Variants in SMURF2 observed in about 807,000 individuals in gnomAD.
SMURF2 encodes SMAD specific E3 ubiquitin protein ligase 2, also known as E3 ubiquitin-protein ligase SMURF2.
A neutral mutation model predicts 109.6 loss-of-function variants in SMURF2; 48 were observed. The ratio of observed to expected loss-of-function variants is 0.44; its 90% CI spans 0.35 to 0.56. The LOEUF (loss-of-function observed/expected upper bound fraction) is 0.56. Ranked by LOEUF, SMURF2 falls within the 20% of genes least tolerant of loss-of-function variation. The probability of loss-of-function intolerance (pLI) is 0.01; values close to 1 mark genes in which losing one functional copy is unlikely to be tolerated. For synonymous variants in SMURF2, 288 were observed against 317.1 expected, an observed-to-expected ratio of 0.91 and a Z score of 0.97; for missense variants, 575 against 909.0, an observed-to-expected ratio of 0.63 and a Z score of 4.72.
At chr17:64,654,913 G>C (rs1970685910) in intron 1 of SMURF2, among the ~76,000 whole-genome samples, 1 of 151,608 alleles carries the variant, frequency 6.6e-6, no homozygotes, top group Admixed American at 6.6e-5. Context: ...CTGGGCTCAA[G>C]TGATCCTCCC....
intron 1 of SMURF2, among the ~76,000 whole-genome samples, chr17:64,650,219 T>TG (rs1264930593): frequency 1.1e-4 from 16 of 151,750 alleles, no homozygotes; most frequent in African/African-American, 3.1e-4. Flanking sequence ...TTTTTTTTTT[T>TG]TGAGACCATG....
intron 4 of SMURF2, among the ~76,000 whole-genome samples, chr17:64,592,329 T>C (rs1969761792): frequency 6.6e-6 from 1 of 152,252 alleles, no homozygotes; most frequent in South Asian, 2.1e-4. Flanking sequence ...AGTTTACTTT[T>C]ATATGCAATT....
intron 1 of SMURF2, among the ~76,000 whole-genome samples, chr17:64,653,134 GA>G (rs1555693663): frequency 6.6e-6 from 1 of 151,866 alleles, no homozygotes; most frequent in Non-Finnish European, 1.5e-5. Context: ...CAGTCCGGGA[GA>G]AAATATTTGC....
intron 1 of SMURF2, among the ~76,000 whole-genome samples, chr17:64,631,578 G>T (rs2144709825): frequency 6.6e-6 from 1 of 152,190 alleles, no homozygotes; most frequent in South Asian, 2.1e-4. Flanking sequence ...AACACACCTT[G>T]ACTGGTCATC....
chr17:64,547,471 TGA>T lies in SMURF2; in HGVS notation c.2071+127_2071+128del. 1.3e-6 allele frequency: 1 copy of T among 750,538 alleles called. No individual in the cohort carries two copies. Among genetic ancestry groups the T allele is most frequent in the Non-Finnish European group, 2.2e-6 (1 of 458,076 alleles). 46.5% of individuals were successfully genotyped at this position (750,538 alleles called of 1,614,324 possible). On this transcript the variant is annotated intron_variant, in intron 17 of 18. Coordinates refer to ENST00000262435, the MANE Select transcript of SMURF2 (RefSeq NM_022739.4). This position sits in a 1 kb window ranked among gnomAD's most constrained non-coding sequence, Gnocchi z 4.2. ...GGAGGGAGAAGAAGGTATCACAATG[TGA>T]GAGTCACAGATAAGAAGTGAAAAAG... is the stretch of plus-strand genomic sequence containing the variant.
intron 1 of SMURF2, among the ~76,000 whole-genome samples, chr17:64,614,408 T>C (rs1156300765): frequency 1.3e-5 from 2 of 152,176 alleles, no homozygotes; most frequent in Non-Finnish European, 2.9e-5. Context: ...ACCACCACAG[T>C]ACCATGCTGC....
intron 4 of SMURF2, chr17:64,593,230 T>C (rs1969772962): frequency 3.7e-6 from 1 of 268,620 alleles, no homozygotes. Context: ...GTCTACAAAA[T>C]AAATTTAGAT....
At chr17:64,613,394 T>C (rs1344170147) in intron 1 of SMURF2, among the ~76,000 whole-genome samples, 6 of 152,182 alleles carry the variant, frequency 3.9e-5, no homozygotes, top group African/African-American at 9.7e-5. Flanking sequence ...TCTTTTGTAA[T>C]AGAAACTATG....
intron 13 of SMURF2, 34 bp downstream of exon 13, chr17:64,557,574 T>C (rs1555684127): frequency 1.6e-6 from 2 of 1,275,812 alleles, no homozygotes; most frequent in Non-Finnish European, 2.3e-6. Context: ...AAAGCATTAT[T>C]GGTCACAATT....
intron 1 of SMURF2, among the ~76,000 whole-genome samples, chr17:64,652,802 C>T (rs574136191): frequency 1.3e-5 from 2 of 151,974 alleles, no homozygotes; most frequent in South Asian, 4.2e-4. Context: ...TACCAAGGTG[C>T]CAAGACAATT....
At chr17:64,560,003 C>CA (rs1351750678) in intron 12 of SMURF2, among the ~76,000 whole-genome samples, 1 of 151,718 alleles carries the variant, frequency 6.6e-6, no homozygotes, top group African/African-American at 2.4e-5. Flanking sequence ...CTGCCCACCT[C>CA]AGTCTCCCAA....
chr17:64,579,520 T>C (rs1440464269), intron 8 of SMURF2, among the ~76,000 whole-genome samples: 1 of 152,202 alleles, frequency 6.6e-6, no homozygotes. Flanking sequence ...TTTTATGTTT[T>C]GGTTGTACAG....
In SMURF2 at chr17:64,545,825, C is replaced by A; in HGVS notation, c.*23G>T. On this transcript the variant is annotated 3_prime_UTR_variant, in exon 19 of 19. Coordinates refer to ENST00000262435, the MANE Select transcript of SMURF2 (RefSeq NM_022739.4). ...TCAGTCAGGGTTGTATAAATAGAGTCCTGGGTAAATCCTTGAAGCTTGTCA... is the reference window on the plus strand; with the variant it reads ...TCAGTCAGGGTTGTATAAATAGAGTACTGGGTAAATCCTTGAAGCTTGTCA... The A allele has an allele frequency of 7.0e-7, 1 of 1,423,658 alleles. No homozygotes were observed. Among genetic ancestry groups the A allele is most frequent in the Non-Finnish European group, 9.9e-7 (1 of 1,009,068 alleles). The allele number at this position is 1,423,658 out of a possible 1,614,324, so 88.2% of individuals were successfully genotyped here.
At chr17:64,566,251 A>G (rs1426993219) in intron 10 of SMURF2, among the ~76,000 whole-genome samples, 1 of 151,950 alleles carries the variant, frequency 6.6e-6, no homozygotes, top group Non-Finnish European at 1.5e-5. Context: ...TTTTAAAACT[A>G]CAATTTTAAG....
Position 64,555,830 on chromosome 17 carries a change from C to T in SMURF2, c.1600G>A (p.Val534Met). The change falls in exon 14 of 19, where the codon GTG (valine) becomes ATG (methionine). Residue 534 changes from valine to methionine, a missense_variant. Physicochemically the swap from Val to Met is conservative, Grantham distance 21. Around this residue, in one of 5 missense-constraint regions of SMURF2, gnomAD observed 361 missense variants for 612.1 expected, o/e 0.59. Transcript: ENST00000262435. ...LVDPDLHNSLVWILENDITGV... is the reference protein window; with the variant it reads ...LVDPDLHNSLMWILENDITGV... ...AGACTCAATACATACAGTATCCACA[C>T]TAAACTGTTGTGAAGATCCGGATCT... The T allele has an allele frequency of 6.2e-7, 1 of 1,609,632 alleles. No homozygotes were observed. Among genetic ancestry groups the T allele is most frequent in the African/African-American group, 1.3e-5 (1 of 74,900 alleles).
intron 6 of SMURF2, among the ~76,000 whole-genome samples, chr17:64,584,582 C>T (rs1969625605): frequency 1.3e-5 from 2 of 152,052 alleles, no homozygotes; most frequent in South Asian, 4.1e-4. Flanking sequence ...TGCTCTTGAT[C>T]TCTTGACCAT....
At chr17:64,565,579 G>C (rs529555060) in intron 10 of SMURF2, among the ~76,000 whole-genome samples, 1 of 151,604 alleles carries the variant, frequency 6.6e-6, no homozygotes, top group South Asian at 2.1e-4. Context: ...AGGGAAATAA[G>C]TAATTAGTGT....
intron 2 of SMURF2, among the ~76,000 whole-genome samples, chr17:64,601,353 C>G (rs1263194561): frequency 1.3e-5 from 2 of 152,026 alleles, no homozygotes; most frequent in Admixed American, 1.3e-4. Flanking sequence ...AAGAAAAAAT[C>G]AAACAATCCC....
At chr17:64,634,694 C>T (rs576038286) in intron 1 of SMURF2, among the ~76,000 whole-genome samples, 2 of 152,290 alleles carry the variant, frequency 1.3e-5, no homozygotes, top group South Asian at 2.1e-4. Context: ...ATGCTGTTTT[C>T]ATTCTCTTAC....
Sources: allele counts gnomAD v4.1 joint callset (sites outside exome capture counted in the v4.1 genomes callset), GRCh38; gene constraint gnomAD v4.1.1; regional missense constraint gnomAD v4.1.1; non-coding constraint Gnocchi (gnomAD v3.1); transcripts MANE v1.5; gene names NCBI Gene and HGNC (gene_info 2026-07-23, HGNC 2026-07-21).